Variants in NDUFS4 observed in about 807,000 individuals in gnomAD.
NDUFS4 encodes the protein NADH:ubiquinone oxidoreductase subunit S4.
Under a neutral mutation model 24.3 loss-of-function variants are expected in NDUFS4, and 28 were observed. That is an observed-to-expected ratio of 1.15 (90% CI 0.85 to 1.58). NDUFS4 has a LOEUF of 1.58. NDUFS4 is among the 40% of genes most tolerant of loss of function. The pLI, the probability that NDUFS4 is intolerant of heterozygous loss-of-function variation, is 0.00. For synonymous variants in NDUFS4, 93 were observed against 69.7 expected (o/e 1.34, Z -1.67); for missense variants, 223 against 207.9 (o/e 1.07, Z -0.45).
intron 1 of NDUFS4, among the ~76,000 whole-genome samples, chr5:53,569,649 T>C (rs1015829029): frequency 6.6e-6 from 1 of 152,158 alleles, no homozygotes; most frequent in Admixed American, 6.5e-5. Flanking sequence ...TACTGGTAAG[T>C]GATGTTTTTC....
At chr5:53,619,139 A>T (rs1447428729) in intron 2 of NDUFS4, among the ~76,000 whole-genome samples, 1 of 147,318 alleles carries the variant, frequency 6.8e-6, no homozygotes, top group Non-Finnish European at 1.5e-5. Flanking sequence ...TAATAATAAT[A>T]ATTACTGGTT....
intron 4 of NDUFS4, among the ~76,000 whole-genome samples, chr5:53,675,741 T>G (rs960638488): frequency 6.6e-6 from 1 of 152,220 alleles, no homozygotes; most frequent in African/African-American, 2.4e-5. Flanking sequence ...CAATAGAGAA[T>G]AGACCTCTAT....
At chr5:53,584,198 C>T (rs1561342477) in intron 1 of NDUFS4, among the ~76,000 whole-genome samples, 1 of 152,112 alleles carries the variant, frequency 6.6e-6, no homozygotes, top group South Asian at 2.1e-4. Context: ...TCTGCCTTCT[C>T]GCAATAAACT....
chr5:53,665,405 C>G (rs1232828727), intron 4 of NDUFS4, among the ~76,000 whole-genome samples: 1 of 152,214 alleles, frequency 6.6e-6, no homozygotes. Context: ...TTTTGTTTGG[C>G]TATGCCCTAC....
At chr5:53,654,329 T>C (rs1352970274) in intron 3 of NDUFS4, among the ~76,000 whole-genome samples, 1 of 152,170 alleles carries the variant, frequency 6.6e-6, no homozygotes, top group East Asian at 1.9e-4. Context: ...TTAAGTAATA[T>C]GTATTTGTTA....
rs186823512 is a variant in NDUFS4 at position 53,660,381 on chromosome 5, G to T, written c.424+1757G>T. Among the ~76,000 whole-genome samples, 369 of 151,994 alleles carry T rather than the reference G, an allele frequency of 2.4e-3. 1 individual carries two copies. Among genetic ancestry groups the T allele is most frequent in the African/African-American group, 8.6e-3 (358 of 41,446 alleles). On this transcript the variant is annotated intron_variant, in intron 4 of 4. Coordinates refer to ENST00000296684, the MANE Select transcript of NDUFS4 (RefSeq NM_002495.4). ...TCCATGGTGTATATGTGCCACATTT[G>T]CTTAATCCAGTCTATCATTGTTGGA... is the stretch of plus-strand genomic sequence containing the variant.
intron 1 of NDUFS4, among the ~76,000 whole-genome samples, chr5:53,575,466 T>C (rs141879174): frequency 1.3e-5 from 2 of 151,616 alleles, no homozygotes; most frequent in Admixed American, 6.6e-5. Flanking sequence ...TCTTGCATCT[T>C]AGCACATCTG....
chr5:53,647,618 G>A (rs1751906403), intron 3 of NDUFS4, among the ~76,000 whole-genome samples: 2 of 152,178 alleles, frequency 1.3e-5, no homozygotes, highest in African/African-American at 4.8e-5. Flanking sequence ...ATGTTAAGTA[G>A]GAGGGCTGAT....
At chr5:53,593,403 G>GTCTC (rs141885291) in intron 1 of NDUFS4, among the ~76,000 whole-genome samples, 270 of 145,718 alleles carry the variant, frequency 1.9e-3, no homozygotes, top group African/African-American at 5.6e-3. Context: ...TTAGGGCTTT[G>GTCTC]TCTCTCTCTC....
At chr5:53,599,744 A>G (rs1750250784) in intron 1 of NDUFS4, among the ~76,000 whole-genome samples, 1 of 151,928 alleles carries the variant, frequency 6.6e-6, no homozygotes, top group African/African-American at 2.4e-5. Context: ...CTTCACTTAC[A>G]GTATATTTAG....
At chr5:53,630,785 CTT>C (rs1751389332) in intron 2 of NDUFS4, among the ~76,000 whole-genome samples, 1 of 152,072 alleles carries the variant, frequency 6.6e-6, no homozygotes, top group Non-Finnish European at 1.5e-5. Flanking sequence ...TTTGTCTAAA[CTT>C]TTTTCAAGGT....
In NDUFS4 at chr5:53,585,409, T is replaced by C. The variant is rs530497669; in HGVS notation, c.99-18043T>C. On this transcript the variant is annotated intron_variant, in intron 1 of 4. Coordinates refer to ENST00000296684, the MANE Select transcript of NDUFS4 (RefSeq NM_002495.4). ...GTATGAGGGCCTGTAAAAGCATAAA[T>C]TGAATAACAAGCAGACTATTTTCTT... Among the ~76,000 whole-genome samples the C allele has an allele frequency of 2.6e-5, 4 of 152,292 alleles. No homozygotes were observed. The East Asian group carries it at 5.8e-4, about 22-fold the overall frequency.
At chr5:53,660,395 A>G (rs2112524380) in intron 4 of NDUFS4, among the ~76,000 whole-genome samples, 1 of 152,064 alleles carries the variant, frequency 6.6e-6, no homozygotes, top group African/African-American at 2.4e-5. Context: ...AATCCAGTCT[A>G]TCATTGTTGG....
intron 4 of NDUFS4, among the ~76,000 whole-genome samples, chr5:53,662,751 C>T (rs1181957349): frequency 1.3e-5 from 2 of 151,278 alleles, no homozygotes; most frequent in East Asian, 1.9e-4. Context: ...GGAATTTATC[C>T]ATTTCTTCTA....
At chr5:53,618,223 C>A (rs891932831) in intron 2 of NDUFS4, among the ~76,000 whole-genome samples, 1 of 152,058 alleles carries the variant, frequency 6.6e-6, no homozygotes, top group Non-Finnish European at 1.5e-5. Flanking sequence ...TGCAGTGAGG[C>A]GTGATCATGC....
At chr5:53,563,236 CAAA>C (rs906204561) in intron 1 of NDUFS4, among the ~76,000 whole-genome samples, 7 of 105,046 alleles carry the variant, frequency 6.7e-5, no homozygotes, top group African/African-American at 2.6e-4. Context: ...CTCAAAAAAA[CAAA>C]AAAAAAAAAA....
chr5:53,608,170 C>T (rs561233311), intron 2 of NDUFS4, among the ~76,000 whole-genome samples: 1 of 152,222 alleles, frequency 6.6e-6, no homozygotes, highest in East Asian at 1.9e-4. Context: ...ACACTGAGGT[C>T]TGCTAAGTGT....
At chr5:53,678,864 A>AGAG (rs1740563694) in intron 4 of NDUFS4, among the ~76,000 whole-genome samples, 1 of 152,106 alleles carries the variant, frequency 6.6e-6, no homozygotes, top group Non-Finnish European at 1.5e-5. Flanking sequence ...TGTTATTCTT[A>AGAG]GAGTTTTATC....
At position 53,613,810 on chromosome 5, in the gene NDUFS4, CAT is replaced by C. The variant is rs1247357968; in HGVS notation, c.177+10281_177+10282del. On this transcript the variant is annotated intron_variant, in intron 2 of 4. Coordinates refer to ENST00000296684, the MANE Select transcript of NDUFS4 (RefSeq NM_002495.4). ...TTAATTGTTCCTTTTTTAGTACTGT[CAT>C]GTGTGTATGTAGGAGAGATTGATTT... Among the ~76,000 whole-genome samples, 199 of 151,852 alleles carry C rather than the reference CAT, an allele frequency of 1.3e-3. 1 individual carries two copies. Among genetic ancestry groups the C allele is most frequent in the Admixed American group, 0.013 (192 of 15,246 alleles).
Sources: allele counts gnomAD v4.1 joint callset (sites outside exome capture counted in the v4.1 genomes callset), GRCh38; gene constraint gnomAD v4.1.1; transcripts MANE v1.5; gene names NCBI Gene and HGNC (gene_info 2026-07-23, HGNC 2026-07-21).